The following GRIK4 variants were observed in gnomAD, a reference collection of about 807,000 sequenced individuals.
GRIK4 encodes glutamate receptor ionotropic, kainate 4.
In GRIK4, 40 loss-of-function variants were observed where a neutral mutation model predicts 104.9. That is an observed-to-expected ratio of 0.38 (90% CI 0.30 to 0.50). The LOEUF (loss-of-function observed/expected upper bound fraction) is 0.50. Ranked by LOEUF, GRIK4 falls within the 20% of genes least tolerant of loss-of-function variation. The pLI is 0.93. For missense variants in GRIK4, 1,047 were observed against 1,308.1 expected, an observed-to-expected ratio of 0.80 and a Z score of 3.08; for synonymous variants, 485 against 524.9, an observed-to-expected ratio of 0.92 and a Z score of 1.04.
At chr11:120,536,495 C>A (rs1026104723) in intron 1 of GRIK4, among the ~76,000 whole-genome samples, 9 of 152,206 alleles carry the variant, frequency 5.9e-5, no homozygotes, top group African/African-American at 2.2e-4. Flanking sequence ...GGACCTGGAA[C>A]ATTGATTACA....
intron 8 of GRIK4, among the ~76,000 whole-genome samples, chr11:120,843,855 C>T (rs1208968656): frequency 6.6e-6 from 1 of 152,120 alleles, no homozygotes; most frequent in African/African-American, 2.4e-5. Context: ...GAGAATGCCC[C>T]ATCAGGTTGG....
chr11:120,861,502 A>G (rs1470773620), intron 8 of GRIK4, among the ~76,000 whole-genome samples: 3 of 152,162 alleles, frequency 2.0e-5, no homozygotes, highest in Admixed American at 1.3e-4. Flanking sequence ...CACCATGGGC[A>G]GTTCACTGAA....
intron 3 of GRIK4, among the ~76,000 whole-genome samples, chr11:120,771,012 A>T (rs1951931025): frequency 6.6e-6 from 1 of 152,250 alleles, no homozygotes; most frequent in Non-Finnish European, 1.5e-5. Context: ...ATTGGTACCA[A>T]GAAGTGAGGG....
chr11:120,790,227 T>A (rs540282208), intron 3 of GRIK4, among the ~76,000 whole-genome samples: 6 of 152,216 alleles, frequency 3.9e-5, no homozygotes, highest in Non-Finnish European at 8.8e-5. Flanking sequence ...ACATAGTGCC[T>A]TGCTTAAGAT....
chr11:120,886,431 G>A lies in GRIK4; in HGVS notation c.1164+11188G>A, dbSNP rs73584447. 8.2e-3 allele frequency among the ~76,000 whole-genome samples: 1,251 copies of A among 152,256 alleles called. 17 individuals carry two copies. The highest frequency in any genetic ancestry group is 0.028 in the African/African-American group (1,182 of 41,534). ...CTTCCAGAGAAAGCATGTGTGTTAG[G>A]TAAGCTGCATTCTGGCTGAGTGAGC... is the stretch of plus-strand genomic sequence containing the variant. On this transcript the variant is annotated intron_variant, in intron 11 of 20. Transcript: ENST00000527524.
chr11:120,525,377 G>A (rs1322496372), intron 1 of GRIK4, among the ~76,000 whole-genome samples: 1 of 152,092 alleles, frequency 6.6e-6, no homozygotes, highest in Non-Finnish European at 1.5e-5. Flanking sequence ...GACTCACCAG[G>A]AGCCTCCCAT....
At position 120,867,011 on chromosome 11, in the gene GRIK4, C is replaced by T. The variant is rs867282388; in HGVS notation, c.906+4891C>T. Among the ~76,000 whole-genome samples the T allele has an allele frequency of 3.3e-5, 5 of 152,098 alleles. No individual in the cohort carries two copies. In the South Asian group the frequency reaches 8.3e-4, roughly 25 times the overall value. ...ACAAGTGGGGAAACTGAGGCACGGA[C>T]GTGCTGGATGGCACATCAAGGGTCC... On this transcript the variant is annotated intron_variant, in intron 9 of 20. Coordinates refer to ENST00000527524, the MANE Select transcript of GRIK4 (RefSeq NM_014619.5).
intron 3 of GRIK4, among the ~76,000 whole-genome samples, chr11:120,772,337 A>C (rs1451369149): frequency 6.6e-6 from 1 of 152,210 alleles, no homozygotes; most frequent in African/African-American, 2.4e-5. Context: ...CAGCCAGTAT[A>C]TTAGATGTCT....
intron 3 of GRIK4, among the ~76,000 whole-genome samples, chr11:120,794,889 C>A (rs973512504): frequency 2.6e-5 from 4 of 152,010 alleles, no homozygotes; most frequent in African/African-American, 2.4e-5. Flanking sequence ...GCGGCCTGCA[C>A]AGTGGTGTGA....
chr11:120,734,245 AG>A (rs1352036393), intron 3 of GRIK4, among the ~76,000 whole-genome samples: 5 of 152,110 alleles, frequency 3.3e-5, no homozygotes, highest in Non-Finnish European at 5.9e-5. Flanking sequence ...GAAATCTCTC[AG>A]CTTTTGTTTG....
intron 3 of GRIK4, among the ~76,000 whole-genome samples, chr11:120,678,385 A>G (rs1052492592): frequency 6.6e-6 from 1 of 152,158 alleles, no homozygotes; most frequent in Non-Finnish European, 1.5e-5. Flanking sequence ...TGCTGGCTTT[A>G]TTTATAGTCG....
chr11:120,748,311 C>T (rs1269387319), intron 3 of GRIK4, among the ~76,000 whole-genome samples: 1 of 152,114 alleles, frequency 6.6e-6, no homozygotes, highest in Non-Finnish European at 1.5e-5. Flanking sequence ...TTTTAATTTG[C>T]TTGGAATAAT....
At chr11:120,633,062 C>A (rs934546046) in intron 1 of GRIK4, among the ~76,000 whole-genome samples, 13 of 152,046 alleles carry the variant, frequency 8.6e-5, no homozygotes, top group Admixed American at 7.9e-4. Context: ...GTCATCTGAT[C>A]CTAAGTTCAG....
intron 1 of GRIK4, among the ~76,000 whole-genome samples, chr11:120,634,104 C>T (rs1483062173): frequency 6.6e-6 from 1 of 152,178 alleles, no homozygotes; most frequent in Non-Finnish European, 1.5e-5. Flanking sequence ...GCTCTTTAGA[C>T]CTGCCTTCCA....
chr11:120,720,592 C>G (rs1950914458), intron 3 of GRIK4, among the ~76,000 whole-genome samples: 2 of 152,110 alleles, frequency 1.3e-5, no homozygotes, highest in Admixed American at 1.3e-4. Flanking sequence ...CAGATGGGAG[C>G]TCCTGGTGCA....
intron 1 of GRIK4, among the ~76,000 whole-genome samples, chr11:120,518,778 C>G (rs1947760352): frequency 6.6e-6 from 1 of 152,076 alleles, no homozygotes; most frequent in African/African-American, 2.4e-5. Flanking sequence ...AATACCACCC[C>G]CGGCTAATTT....
At position 120,905,666 on chromosome 11, in the gene GRIK4, G is replaced by A. The variant is rs894422802; in HGVS notation, c.1476+173G>A. Among the ~76,000 whole-genome samples, 13 of 152,328 alleles carry A rather than the reference G, an allele frequency of 8.5e-5. No homozygotes were observed. The highest frequency in any genetic ancestry group is 1.2e-4 in the Non-Finnish European group (8 of 68,028). On this transcript the variant is annotated intron_variant, in intron 13 of 20. Coordinates refer to ENST00000527524, the MANE Select transcript of GRIK4 (RefSeq NM_014619.5). This position sits in a 1 kb window ranked among gnomAD's most constrained non-coding sequence, Gnocchi z 5.1. ...CTTGCCTGGACTGGCACAGACGTGC[G>A]GTGGTGGATAAGCCTGCAATGATCC...
chr11:120,890,849 G>A (rs991466645), intron 11 of GRIK4, among the ~76,000 whole-genome samples: 2 of 152,192 alleles, frequency 1.3e-5, no homozygotes, highest in Non-Finnish European at 2.9e-5. Flanking sequence ...CAAAACCTGA[G>A]TCTGAAGCCG....
intron 4 of GRIK4, among the ~76,000 whole-genome samples, chr11:120,807,246 C>T (rs919510218): frequency 3.9e-5 from 6 of 152,178 alleles, no homozygotes; most frequent in South Asian, 4.1e-4. Context: ...TATAGATCAG[C>T]GTTTCTCCTG....
Sources: allele counts gnomAD v4.1 joint callset (sites outside exome capture counted in the v4.1 genomes callset), GRCh38; gene constraint gnomAD v4.1.1; non-coding constraint Gnocchi (gnomAD v3.1); transcripts MANE v1.5; gene names NCBI Gene and HGNC (gene_info 2026-07-23, HGNC 2026-07-21).